OTOA: variants seen among roughly 807,000 people sequenced by gnomAD.
OTOA encodes the protein otoancorin.
In OTOA, 70 loss-of-function variants were observed where a neutral mutation model predicts 110.8. The ratio of observed to expected loss-of-function variants is 0.63; its 90% CI spans 0.52 to 0.77. The LOEUF (loss-of-function observed/expected upper bound fraction) is 0.77. Ranked by LOEUF, OTOA falls within the 30% of genes least tolerant of loss-of-function variation. The pLI, the probability that OTOA is intolerant of heterozygous loss-of-function variation, is 0.00. For missense variants in OTOA, 917 were observed against 1,075.8 expected (o/e 0.85, Z 2.06); for synonymous variants, 373 against 431.5 (o/e 0.86, Z 1.68).
rs376598157 is a variant in OTOA at position 21,717,092 on chromosome 16, G to A, written c.1629+45G>A. 4.8e-5 allele frequency: 78 copies of A among 1,610,688 alleles called. 1 individual carries two copies. The African/African-American group carries it at 8.0e-4, about 17-fold the overall frequency. On this transcript the variant is annotated intron_variant, in intron 15 of 28. Transcript: ENST00000646100. ...ATCGATCCTGTATTTCTGACTATCT[G>A]TCTTGTGAGAATGAATGGTCTGTTT...
At chr16:21,682,871 C>T (rs1459955593) in intron 6 of OTOA, among the ~76,000 whole-genome samples, 1 of 152,186 alleles carries the variant, frequency 6.6e-6, no homozygotes, top group African/African-American at 2.4e-5. Context: ...TTGTTGTCTG[C>T]CAGGTCCCAG....
intron 10 of OTOA, among the ~76,000 whole-genome samples, chr16:21,698,116 T>TCA (rs1897981106): frequency 6.6e-6 from 1 of 152,234 alleles, no homozygotes; most frequent in Non-Finnish European, 1.5e-5. Context: ...ACAACTAAGA[T>TCA]CACATCTCTG....
In OTOA at chr16:21,719,394, C is replaced by G. The variant is rs1240226169; in HGVS notation, c.1696C>G (p.Gln566Glu). ...RRPEELLSAG[Q>E]LVKGVTCSHI... ...CCTTGTTTTGTTTTCTAGTGCTGGG[C>G]AGCTGGTCAAAGGCGTGACCTGCTC... Residue 566 changes from glutamine (Q) to glutamate (E), a missense_variant, in exon 17 of 29, where the codon CAG becomes GAG. This residue lies in a region of OTOA where 840 missense variants were observed against 910.2 expected (regional missense o/e 0.92). Transcript: ENST00000646100. 1 of 1,613,884 alleles carries G rather than the reference C, an allele frequency of 6.2e-7. No individual in the cohort carries two copies. Among genetic ancestry groups the G allele is most frequent in the Non-Finnish European group, 8.5e-7 (1 of 1,179,790 alleles).
chr16:21,725,672 G>A (rs1382001867), intron 18 of OTOA, among the ~76,000 whole-genome samples: 1 of 152,174 alleles, frequency 6.6e-6, no homozygotes, highest in Non-Finnish European at 1.5e-5. Flanking sequence ...TAGCATAGAG[G>A]CGGAAGAACA....
At chr16:21,707,826 C>T (rs1397690866) in intron 12 of OTOA, among the ~76,000 whole-genome samples, 1 of 122,802 alleles carries the variant, frequency 8.1e-6, no homozygotes, top group Non-Finnish European at 1.6e-5. Context: ...GATGGAGTGT[C>T]GCTCTGTTGC....
At chr16:21,727,011 AGT>A in intron 19 of OTOA, 1 of 184,176 alleles carries the variant, frequency 5.4e-6, no homozygotes. Context: ...TCCCCCTTAG[AGT>A]TTTTTTTTTT....
rs777803753 is a variant in OTOA at position 21,679,205 on chromosome 16, T to C, written c.173T>C (p.Phe58Ser). 1.9e-6 allele frequency: 3 copies of C among 1,613,608 alleles called. No homozygotes were observed. The highest frequency in any genetic ancestry group is 1.1e-5 in the South Asian group (1 of 91,084). The change falls in exon 5 of 29, where the codon TTT becomes TCT. Residue 58 changes from phenylalanine to serine, a missense_variant. Physicochemically the swap from Phe to Ser is radical, Grantham distance 155. Coordinates refer to ENST00000646100, the MANE Select transcript of OTOA (RefSeq NM_144672.4). ...YLNALLDLIQ[F>S]QSSHVWTDDL... is the part of the protein sequence containing the mutation. ...GTAGCACTGCTGGATCTCATACAGT[T>C]TCAAAGGTAAAATGCCCTAGAGGAG...
rs763543175 is a variant in OTOA, at chr16:21,678,943, G to T, written c.120G>T (p.Ala40=). ...TGCATCCATTGTTGCAAAACATGGC[G>T]GTGAGTATTCTATTTTCTGTTAATC... is the stretch of plus-strand genomic sequence containing the variant. The part of the protein sequence containing the change: ...QDLHPLLQNM[A]EEIIDGSYLN... The change falls in exon 3 of 29, where the codon GCG becomes GCT. Residue 40 remains alanine, a splice_region_variant and synonymous_variant. Coordinates refer to ENST00000646100, the MANE Select transcript of OTOA (RefSeq NM_144672.4). The T allele has an allele frequency of 4.2e-5, 68 of 1,613,718 alleles. 1 individual carries two copies. The highest frequency in any genetic ancestry group is 1.0e-4 in the Admixed American group (6 of 60,006).
intron 1 of OTOA, among the ~76,000 whole-genome samples, chr16:21,668,923 T>A (rs1234905433): frequency 6.6e-6 from 1 of 152,178 alleles, no homozygotes; most frequent in African/African-American, 2.4e-5. Flanking sequence ...TTGATTTCTC[T>A]GGCTGCACCT....
At chr16:21,688,261 G>A (rs189527679) in intron 8 of OTOA, among the ~76,000 whole-genome samples, 25 of 152,060 alleles carry the variant, frequency 1.6e-4, no homozygotes, top group Admixed American at 1.2e-3. Flanking sequence ...GGTGGTGGGC[G>A]CCTGTAATCT....
chr16:21,689,235 A>T (rs1897780910), intron 8 of OTOA, among the ~76,000 whole-genome samples: 3 of 152,158 alleles, frequency 2.0e-5, no homozygotes, highest in African/African-American at 7.2e-5. Flanking sequence ...GATGATAACA[A>T]TGTGGGAGAT....
Position 21,700,955 on chromosome 16 carries a change from A to T in OTOA, c.908A>T (p.Glu303Val), listed in dbSNP as rs1567375481. The T allele has an allele frequency of 6.2e-7, 1 of 1,614,044 alleles. No individual in the cohort carries two copies. Among genetic ancestry groups the T allele is most frequent in the Admixed American group, 1.7e-5 (1 of 59,992 alleles). The change falls in exon 11 of 29, where the codon GAG becomes GTG. Residue 303 changes from glutamate to valine, a missense_variant. Glu to Val is a moderately radical substitution (Grantham distance 121, BLOSUM62 -2). Coordinates refer to ENST00000646100, the MANE Select transcript of OTOA (RefSeq NM_144672.4). ...QLDMVYDITP[E>V]LAQAFLERIS... Reference sequence around the variant, plus strand: ...GACATGGTCTATGACATCACACCTGAGCTGGCCCAGGCGTTTCTGGAGAGG... The same window carrying T: ...GACATGGTCTATGACATCACACCTGTGCTGGCCCAGGCGTTTCTGGAGAGG...
intron 12 of OTOA, among the ~76,000 whole-genome samples, chr16:21,708,263 C>T (rs1045822290): frequency 1.3e-5 from 2 of 152,130 alleles, no homozygotes; most frequent in African/African-American, 2.4e-5. Context: ...TCATAAAGAG[C>T]GCACAGACTA....
chr16:21,736,312 A>G lies in OTOA; in HGVS notation c.2353A>G (p.Thr785Ala), dbSNP rs464696. 2 of 1,603,980 alleles carry G rather than the reference A, an allele frequency of 1.2e-6. No homozygotes were observed. The highest frequency in any genetic ancestry group is 1.7e-6 in the Non-Finnish European group (2 of 1,178,884). ...TTCCAAGATGGCCAGGACCCTGCCCACTAAAGAATTCCTCTGGGCTGTCTT... is the reference window on the plus strand; with the variant it reads ...TTCCAAGATGGCCAGGACCCTGCCCGCTAAAGAATTCCTCTGGGCTGTCTT... ...AASKMARTLP[T>A]KEFLWAVFQS... Residue 785 changes from threonine to alanine, a missense_variant, in exon 22 of 29, where the codon ACT becomes GCT. Thr to Ala is a moderately conservative substitution (Grantham distance 58). Around this residue, in one of 6 missense-constraint regions of OTOA, gnomAD observed 57 missense variants for 59.7 expected, o/e 0.96. Coordinates refer to ENST00000646100, the MANE Select transcript of OTOA (RefSeq NM_144672.4).
rs1315150477 is a variant in OTOA, at chr16:21,685,332, T to C, written c.370T>C (p.Cys124Arg). 1 of 1,612,664 alleles carries C rather than the reference T, an allele frequency of 6.2e-7. No individual in the cohort carries two copies. Among genetic ancestry groups the C allele is most frequent in the Non-Finnish European group, 8.5e-7 (1 of 1,179,150 alleles). ...CCAGCAGTTCCGCACTGCCATGAAA[T>C]GCCTCTTAGAAGACAAGAAGGACGG... ...DAQQFRTAMKCLLEDKKDGLD... is the reference protein window; with the variant it reads ...DAQQFRTAMKRLLEDKKDGLD... The change falls in exon 7 of 29, where the codon TGC becomes CGC. Residue 124 changes from cysteine (C) to arginine (R), a missense_variant. By Grantham distance (180) the Cys-to-Arg change is radical (BLOSUM62 -3). This residue lies in a region of OTOA where 840 missense variants were observed against 910.2 expected (regional missense o/e 0.92). Coordinates refer to ENST00000646100, the MANE Select transcript of OTOA (RefSeq NM_144672.4).
chr16:21,691,518 G>A (rs1206897129), intron 8 of OTOA, 66 bp from the exon 9 acceptor site: 7 of 1,346,100 alleles, frequency 5.2e-6, no homozygotes, highest in Non-Finnish European at 6.4e-6. Context: ...TTGCTGTTGT[G>A]ACTCCCTTTT....
At chr16:21,751,514 C>T (rs1203761081) in intron 24 of OTOA, among the ~76,000 whole-genome samples, 19 of 84,324 alleles carry the variant, frequency 2.3e-4, no homozygotes, top group African/African-American at 5.5e-4. Context: ...AGCAAGACTC[C>T]GTCTCCAAAA....
chr16:21,705,070 A>G, intron 11 of OTOA, 99 bp from the exon 12 acceptor site: 1 of 1,589,384 alleles, frequency 6.3e-7, no homozygotes, highest in South Asian at 1.1e-5. Context: ...AGTCCGTGGC[A>G]ACTGAAAAAC....
At chr16:21,729,896 C>T (rs1214465021) in intron 20 of OTOA, 1 of 152,204 alleles carries the variant, frequency 6.6e-6, no homozygotes, top group Non-Finnish European at 1.5e-5. Context: ...TAGCCATTCA[C>T]CTACAGAAGG....
Sources: allele counts gnomAD v4.1 joint callset (sites outside exome capture counted in the v4.1 genomes callset), GRCh38; gene constraint gnomAD v4.1.1; regional missense constraint gnomAD v4.1.1; transcripts MANE v1.5; gene names NCBI Gene and HGNC (gene_info 2026-07-23, HGNC 2026-07-21).